PRELID2: variants seen among roughly 807,000 people sequenced by gnomAD.
PRELID2 encodes PRELI domain-containing protein 2.
In PRELID2, 25 loss-of-function variants were observed where a neutral mutation model predicts 28.4. The ratio of observed to expected loss-of-function variants is 0.88; its 90% CI spans 0.64 to 1.23. PRELID2 has a LOEUF of 1.23. PRELID2 is among the 50% of genes most tolerant of loss of function. The probability of loss-of-function intolerance (pLI) is 0.00; values close to 1 mark genes in which losing one functional copy is unlikely to be tolerated. For synonymous variants in PRELID2, 76 were observed against 71.6 expected (o/e 1.06, Z -0.31); for missense variants, 201 against 214.4 (o/e 0.94, Z 0.39).
the PRELID2 span, among the ~76,000 whole-genome samples, chr5:145,406,743 G>C: frequency 6.6e-6 from 1 of 152,200 alleles, no homozygotes; most frequent in Non-Finnish European, 1.5e-5. Context: ...CTGAACAACT[G>C]TGAGTTCATA....
In PRELID2 at chr5:145,823,079, CT is replaced by C. The variant is rs1332482684; in HGVS notation, c.130del (p.Arg44GlufsTer24). ...AAAAAACTGTACAGAGAACTTACCTCTTTTTTCCTCCATGATTTTTACTGAG... is the reference window on the plus strand; with the variant it reads ...AAAAAACTGTACAGAGAACTTACCTCTTTTTCCTCCATGATTTTTACTGAG... ...VISVKIMEEK[R>X]DESTGVIYRK... On this transcript the variant is annotated frameshift_variant, in exon 2 of 7. Coordinates refer to ENST00000683046, the MANE Select transcript of PRELID2 (RefSeq NM_205846.3). LOFTEE classifies it high-confidence loss of function. 8 of 1,506,472 alleles carry C rather than the reference CT, an allele frequency of 5.3e-6. No individual in the cohort carries two copies. Among genetic ancestry groups the C allele is most frequent in the African/African-American group, 1.4e-5 (1 of 72,716 alleles). The allele number at this position is 1,506,472 out of a possible 1,614,324, so 93.3% of individuals were successfully genotyped here.
chr5:145,529,318 A>G (rs1752635970), intron 1 of PRELID2, among the ~76,000 whole-genome samples: 1 of 152,314 alleles, frequency 6.6e-6, no homozygotes, highest in Admixed American at 6.5e-5. Context: ...TCTAATTCCA[A>G]AGAAATGAGA....
chr5:145,621,625 G>A (rs914822094), intron 1 of PRELID2, among the ~76,000 whole-genome samples: 1 of 152,134 alleles, frequency 6.6e-6, no homozygotes, highest in Non-Finnish European at 1.5e-5. Context: ...AGGCAAAAAT[G>A]AATAAATTAA....
intron 4 of PRELID2, among the ~76,000 whole-genome samples, chr5:145,797,404 G>GA (rs1487782730): frequency 6.6e-6 from 1 of 152,060 alleles, no homozygotes; most frequent in Non-Finnish European, 1.5e-5. Flanking sequence ...ACGCAATCAA[G>GA]AAAAAACTCC....
At chr5:145,590,212 C>T (rs1753208864) in intron 1 of PRELID2, among the ~76,000 whole-genome samples, 2 of 152,080 alleles carry the variant, frequency 1.3e-5, no homozygotes, top group South Asian at 4.1e-4. Flanking sequence ...CTGGTCTGGT[C>T]CTCCCCCAGA....
At chr5:145,512,659 G>T (rs890987542) in intron 1 of PRELID2, among the ~76,000 whole-genome samples, 3 of 152,198 alleles carry the variant, frequency 2.0e-5, no homozygotes, top group Non-Finnish European at 4.4e-5. Context: ...GCCTCCTCAA[G>T]TGGGTCCCTG....
chr5:145,404,947 T>C, the PRELID2 span, among the ~76,000 whole-genome samples: 1 of 152,104 alleles, frequency 6.6e-6, no homozygotes, highest in Admixed American at 6.5e-5. Flanking sequence ...TGTGGGCAGG[T>C]AACTGGATGG....
At chr5:145,364,652 G>A in the PRELID2 span, among the ~76,000 whole-genome samples, 1 of 152,000 alleles carries the variant, frequency 6.6e-6, no homozygotes, top group Non-Finnish European at 1.5e-5. Context: ...CATTAGATAA[G>A]GGGAGAGGAG....
chr5:145,331,519 ATG>A, the PRELID2 span, among the ~76,000 whole-genome samples: 1 of 152,126 alleles, frequency 6.6e-6, no homozygotes. Context: ...CTTCATGACT[ATG>A]TAACGCCCTT....
intron 1 of PRELID2, among the ~76,000 whole-genome samples, chr5:145,719,386 G>T (rs1755926982): frequency 6.6e-6 from 1 of 151,680 alleles, no homozygotes. Flanking sequence ...ACAGTATAAA[G>T]AAAAACACTT....
chr5:145,495,830 G>A (rs1179560020), intron 1 of PRELID2, among the ~76,000 whole-genome samples: 4 of 152,182 alleles, frequency 2.6e-5, no homozygotes, highest in Admixed American at 1.3e-4. Context: ...GTTCTTTAAA[G>A]CTCTAAACTC....
At chr5:145,562,679 T>A (rs1752934062) in intron 1 of PRELID2, among the ~76,000 whole-genome samples, 1 of 152,102 alleles carries the variant, frequency 6.6e-6, no homozygotes, top group Non-Finnish European at 1.5e-5. Flanking sequence ...AGTAAGCATT[T>A]GCACTGAGGC....
chr5:145,359,037 C>T, the PRELID2 span, among the ~76,000 whole-genome samples: 2 of 152,188 alleles, frequency 1.3e-5, no homozygotes, highest in African/African-American at 4.8e-5. Context: ...TCCCTAATTC[C>T]CTGCACAGCT....
At chr5:145,346,722 C>A in the PRELID2 span, among the ~76,000 whole-genome samples, 1 of 152,122 alleles carries the variant, frequency 6.6e-6, no homozygotes, top group African/African-American at 2.4e-5. Context: ...ACTCTCAGTT[C>A]TGGACAGGTG....
chr5:145,314,093 G>C, the PRELID2 span, among the ~76,000 whole-genome samples: 1 of 152,112 alleles, frequency 6.6e-6, no homozygotes, highest in African/African-American at 2.4e-5. Context: ...TTATAGTCAG[G>C]GAAACATTTG....
intron 1 of PRELID2, among the ~76,000 whole-genome samples, chr5:145,823,991 G>A (rs1424075515): frequency 6.6e-6 from 1 of 151,964 alleles, no homozygotes; most frequent in Non-Finnish European, 1.5e-5. Context: ...AGTGTATCTG[G>A]GGGGTAACAT....
chr5:145,379,618 C>G, the PRELID2 span, among the ~76,000 whole-genome samples: 1,595 of 152,194 alleles, frequency 0.01, 26 homozygotes, highest in African/African-American at 0.037. Context: ...CAAGGCTTCA[C>G]CTGCAATGGA....
intron 1 of PRELID2, among the ~76,000 whole-genome samples, chr5:145,622,125 C>A (rs1361632615): frequency 6.6e-6 from 1 of 152,078 alleles, no homozygotes; most frequent in Non-Finnish European, 1.5e-5. Flanking sequence ...ATAAACAAAG[C>A]TTTAGAGACA....
chr5:145,455,424 T>A, the PRELID2 span, among the ~76,000 whole-genome samples: 4 of 152,198 alleles, frequency 2.6e-5, no homozygotes, highest in Non-Finnish European at 2.9e-5. Context: ...CTTGGCTATA[T>A]GGGCTCTTTT....
Sources: gnomAD v4.1 joint callset for allele counts (sites outside exome capture counted in the v4.1 genomes callset) on GRCh38, gnomAD v4.1.1 for gene constraint, MANE v1.5 for transcripts, NCBI Gene and HGNC (gene_info 2026-07-23, HGNC 2026-07-21) for gene names.